Variants in COL19A1 observed in about 807,000 individuals in gnomAD.
COL19A1 encodes the protein collagen alpha-1(XIX) chain.
COL19A1 carries 159 observed loss-of-function variants against 190.2 expected under a neutral mutation model. The observed-to-expected ratio is 0.84, with a 90% CI of 0.73 to 0.95. The LOEUF (loss-of-function observed/expected upper bound fraction) is 0.95. Ranked by LOEUF, COL19A1 falls within the 40% of genes least tolerant of loss-of-function variation. The pLI, the probability that COL19A1 is intolerant of heterozygous loss-of-function variation, is 0.00. For missense variants in COL19A1, 1,418 were observed against 1,431.9 expected (o/e 0.99, Z 0.16); for synonymous variants, 509 against 458.9 (o/e 1.11, Z -1.39).
At chr6:70,055,342 T>C (rs2150136090) in intron 14 of COL19A1, among the ~76,000 whole-genome samples, 1 of 152,132 alleles carries the variant, frequency 6.6e-6, no homozygotes, top group African/African-American at 2.4e-5. Flanking sequence ...GGCTCATTCA[T>C]TTATAAAATT....
intron 2 of COL19A1, among the ~76,000 whole-genome samples, chr6:69,892,315 GA>G (rs1769407558): frequency 6.6e-6 from 1 of 152,162 alleles, no homozygotes; most frequent in Non-Finnish European, 1.5e-5. Flanking sequence ...TGGTTCACAG[GA>G]ACAAGCAGGG....
At chr6:70,150,101 C>G (rs538811078) in intron 30 of COL19A1, 56 bp downstream of exon 30, 11 of 1,579,332 alleles carry the variant, frequency 7.0e-6, no homozygotes, top group Non-Finnish European at 5.2e-6. Context: ...AGAAGCCAAA[C>G]AGCCTACCAA....
intron 15 of COL19A1, among the ~76,000 whole-genome samples, chr6:70,099,864 ACTGACACT>A (rs763394653): frequency 3.9e-5 from 6 of 152,202 alleles, no homozygotes; most frequent in African/African-American, 1.4e-4. Context: ...CAGCATGCAC[ACTGACACT>A]CTGACACTCT....
intron 15 of COL19A1, among the ~76,000 whole-genome samples, chr6:70,093,352 T>C (rs1028878249): frequency 6.6e-6 from 1 of 152,074 alleles, no homozygotes; most frequent in Non-Finnish European, 1.5e-5. Flanking sequence ...TGTTTAGCCA[T>C]ACCCTACCAC....
chr6:70,205,873 T>C (rs532745615), intron 49 of COL19A1, among the ~76,000 whole-genome samples: 1 of 152,312 alleles, frequency 6.6e-6, no homozygotes, highest in South Asian at 2.1e-4. Flanking sequence ...TAAAATATCT[T>C]AAGTTGATGA....
At chr6:69,892,279 C>G (rs1769405213) in intron 2 of COL19A1, among the ~76,000 whole-genome samples, 1 of 152,190 alleles carries the variant, frequency 6.6e-6, no homozygotes, top group Non-Finnish European at 1.5e-5. Context: ...TTTGTTCTTT[C>G]TGAGCTGCAG....
intron 31 of COL19A1, 41 bp from the exon 32 acceptor site, chr6:70,156,086 T>G (rs933543429): frequency 1.3e-6 from 2 of 1,581,920 alleles, no homozygotes; most frequent in Admixed American, 1.8e-5. Context: ...TATAGACGGC[T>G]TTTATGACTC....
chr6:70,139,514 T>C (rs1294830523), intron 19 of COL19A1, among the ~76,000 whole-genome samples: 1 of 151,998 alleles, frequency 6.6e-6, no homozygotes, highest in East Asian at 1.9e-4. Flanking sequence ...CTTGCCACCT[T>C]CCTCTACCCC....
intron 14 of COL19A1, among the ~76,000 whole-genome samples, chr6:70,045,439 G>A (rs1289749314): frequency 6.6e-6 from 1 of 151,918 alleles, no homozygotes; most frequent in East Asian, 1.9e-4. Context: ...TGTATGGCAA[G>A]TAATTTTTTA....
intron 14 of COL19A1, among the ~76,000 whole-genome samples, chr6:70,046,317 C>A (rs1333084494): frequency 6.6e-6 from 1 of 152,134 alleles, no homozygotes; most frequent in East Asian, 1.9e-4. Context: ...ACACAAGAAG[C>A]CAGAATGTTC....
At chr6:69,960,083 C>T (rs747665065) in intron 10 of COL19A1, 43 bp downstream of exon 10, 9 of 1,560,904 alleles carry the variant, frequency 5.8e-6, no homozygotes, top group Non-Finnish European at 7.0e-6. Context: ...AGAATTTTAA[C>T]GTGTTAAAAA....
At chr6:70,048,048 A>G (rs1315406576) in intron 14 of COL19A1, among the ~76,000 whole-genome samples, 1 of 152,158 alleles carries the variant, frequency 6.6e-6, no homozygotes, top group African/African-American at 2.4e-5. Context: ...GCCAAAGGTT[A>G]AGTCTGTCAA....
intron 4 of COL19A1, among the ~76,000 whole-genome samples, chr6:69,920,924 A>C (rs1172442396): frequency 2.6e-5 from 3 of 117,272 alleles, no homozygotes; most frequent in South Asian, 2.8e-4. Flanking sequence ...ATATATTCAT[A>C]TGTATATTCA....
chr6:70,064,723 G>A lies in COL19A1; in HGVS notation c.1171-3700G>A, dbSNP rs1367124396. Reference sequence around the variant, plus strand: ...ATATCTAGAAAACCCCATCGTCTCAGCCCAAAATCTCCTTAAGTTGATAAG... The same window carrying A: ...ATATCTAGAAAACCCCATCGTCTCAACCCAAAATCTCCTTAAGTTGATAAG... On this transcript the variant is annotated intron_variant, in intron 14 of 50. Transcript: ENST00000620364. 2.6e-5 allele frequency among the ~76,000 whole-genome samples: 4 copies of A among 152,286 alleles called. No individual in the cohort carries two copies. In the East Asian group the frequency reaches 7.7e-4, roughly 29 times the overall value.
intron 9 of COL19A1, among the ~76,000 whole-genome samples, chr6:69,959,497 A>C (rs1481937844): frequency 6.6e-6 from 1 of 152,174 alleles, no homozygotes; most frequent in Non-Finnish European, 1.5e-5. Context: ...AGGTATGCAG[A>C]GTTGAAGTGT....
intron 31 of COL19A1, among the ~76,000 whole-genome samples, 198 bp downstream of exon 31, chr6:70,151,636 T>C (rs1021434485): frequency 7.2e-5 from 11 of 152,166 alleles, no homozygotes; most frequent in African/African-American, 2.7e-4. Context: ...CACTCTCTTC[T>C]TCTTTACCAG....
intron 1 of COL19A1, among the ~76,000 whole-genome samples, chr6:69,872,207 G>A (rs1767885126): frequency 6.6e-6 from 1 of 152,114 alleles, no homozygotes; most frequent in Admixed American, 6.6e-5. Flanking sequence ...AAAACATGAT[G>A]TTTGTTTACT....
chr6:69,943,393 A>C (rs931149880), intron 9 of COL19A1, among the ~76,000 whole-genome samples: 2 of 152,088 alleles, frequency 1.3e-5, no homozygotes, highest in East Asian at 1.9e-4. Context: ...TTTGCTGTAC[A>C]AAAGCTTTTT....
Position 69,899,022 on chromosome 6 carries a change from G to T in COL19A1, c.166G>T (p.Gly56Cys). ...CAACATAAACAAACTTGAAGTTTCA[G>T]GTAGGCAATATAATCCTTTGCAAAG... ...YDNINKLEVS[G>C]FDLGDSFSLR... is the part of the protein sequence containing the mutation. Residue 56 changes from glycine (G) to cysteine (C), a missense_variant and splice_region_variant, in exon 3 of 51, where the codon GGT becomes TGT. Gly to Cys is a radical substitution (Grantham distance 159). Coordinates refer to ENST00000620364, the MANE Select transcript of COL19A1 (RefSeq NM_001858.6). The T allele has an allele frequency of 6.3e-7, 1 of 1,597,306 alleles. No individual in the cohort carries two copies. The highest frequency in any genetic ancestry group is 8.6e-7 in the Non-Finnish European group (1 of 1,165,278).
Sources: allele counts gnomAD v4.1 joint callset (sites outside exome capture counted in the v4.1 genomes callset), GRCh38; gene constraint gnomAD v4.1.1; transcripts MANE v1.5; gene names NCBI Gene and HGNC (gene_info 2026-07-23, HGNC 2026-07-21).